AGBL1: variants seen among roughly 807,000 people sequenced by gnomAD.
AGBL1 encodes AGBL carboxypeptidase 1, also known as cytosolic carboxypeptidase 4.
A neutral mutation model predicts 118.9 loss-of-function variants in AGBL1; 130 were observed. The observed-to-expected ratio is 1.09, with a 90% CI of 0.95 to 1.26. AGBL1 has a LOEUF of 1.26. Among genes scored for constraint, AGBL1 ranks in the 50% most tolerant of loss-of-function variants. The pLI is 0.00. For missense variants in AGBL1, 1,584 were observed against 1,298.1 expected (o/e 1.22, Z -3.38); for synonymous variants, 555 against 478.9 (o/e 1.16, Z -2.08).
intron 5 of AGBL1, among the ~76,000 whole-genome samples, chr15:86,192,118 C>G (rs2077732538): frequency 6.6e-6 from 1 of 151,256 alleles, no homozygotes; most frequent in South Asian, 2.1e-4. Flanking sequence ...TGCACGCCCC[C>G]AATACACACA....
At chr15:87,019,153 C>A (rs2081637160) in intron 24 of AGBL1, among the ~76,000 whole-genome samples, 1 of 152,066 alleles carries the variant, frequency 6.6e-6, no homozygotes, top group African/African-American at 2.4e-5. Context: ...AAGACTTAGA[C>A]TAACACACAA....
intron 5 of AGBL1, among the ~76,000 whole-genome samples, chr15:86,182,924 G>A (rs1340800810): frequency 6.6e-6 from 1 of 152,198 alleles, no homozygotes; most frequent in Non-Finnish European, 1.5e-5. Flanking sequence ...CATAGCAAGA[G>A]ATGTTGTTAT....
rs1899858 is a variant in AGBL1, at chr15:86,098,329, A to G, written c.51+18306A>G. On this transcript the variant is annotated intron_variant, in intron 1 of 22. Transcript: ENST00000614907. The stretch of plus-strand genomic sequence containing the variant: ...TTTTTAGTTTACTATAGTCCCATTT[A>G]TCTATTTCTGGTTTTGTTGCCTGTG... Among the ~76,000 whole-genome samples the G allele has an allele frequency of 3.1e-3, 467 of 151,986 alleles. 16 individuals carry two copies. The South Asian group carries it at 0.067, about 22-fold the overall frequency.
intron 5 of AGBL1, among the ~76,000 whole-genome samples, chr15:86,166,385 G>A (rs1053593803): frequency 2.0e-5 from 3 of 152,146 alleles, no homozygotes; most frequent in Non-Finnish European, 1.5e-5. Flanking sequence ...CCTATCCTGT[G>A]GAAATGCCTT....
chr15:86,628,189 G>A (rs547628035), intron 21 of AGBL1, among the ~76,000 whole-genome samples: 5 of 152,262 alleles, frequency 3.3e-5, no homozygotes, highest in East Asian at 3.9e-4. Context: ...TAGAGTTTTC[G>A]ATTTGTAATA....
chr15:86,683,773 C>T (rs906883142), intron 22 of AGBL1, among the ~76,000 whole-genome samples: 1 of 152,174 alleles, frequency 6.6e-6, no homozygotes, highest in Non-Finnish European at 1.5e-5. Flanking sequence ...GTTGTCAATT[C>T]TAAAAATGGA....
At chr15:86,798,892 A>G (rs1010758368) in intron 22 of AGBL1, among the ~76,000 whole-genome samples, 11 of 151,890 alleles carry the variant, frequency 7.2e-5, no homozygotes, top group African/African-American at 2.7e-4. Context: ...GAACCTCCTG[A>G]ATGAGGAGAC....
chr15:86,759,754 C>G (rs1341236710), intron 22 of AGBL1, among the ~76,000 whole-genome samples: 1 of 152,062 alleles, frequency 6.6e-6, no homozygotes, highest in Non-Finnish European at 1.5e-5. Context: ...GGAAAGAAAA[C>G]AAGATGATGA....
At chr15:86,684,774 C>G (rs1035501386) in intron 22 of AGBL1, among the ~76,000 whole-genome samples, 2 of 152,118 alleles carry the variant, frequency 1.3e-5, no homozygotes, top group Non-Finnish European at 2.9e-5. Flanking sequence ...AGGGAATCTC[C>G]TTTCGGATCT....
intron 18 of AGBL1, among the ~76,000 whole-genome samples, chr15:86,444,585 A>G (rs1310389091): frequency 6.6e-6 from 1 of 152,206 alleles, no homozygotes; most frequent in Non-Finnish European, 1.5e-5. Flanking sequence ...GGTACTAAGA[A>G]CCAAGGTGGT....
intron 22 of AGBL1, among the ~76,000 whole-genome samples, chr15:86,747,535 T>G (rs1212850917): frequency 6.6e-6 from 1 of 152,212 alleles, no homozygotes; most frequent in African/African-American, 2.4e-5. Flanking sequence ...ACGTGCAGGT[T>G]TGTTACATAT....
At chr15:86,468,848 C>T (rs1300592588) in intron 18 of AGBL1, among the ~76,000 whole-genome samples, 1 of 152,046 alleles carries the variant, frequency 6.6e-6, no homozygotes, top group Non-Finnish European at 1.5e-5. Flanking sequence ...CATCTTGAAG[C>T]TGAAGGGGAA....
chr15:86,546,001 G>A lies in AGBL1; in HGVS notation c.2686-1G>A. 1 of 1,612,426 alleles carries A rather than the reference G, an allele frequency of 6.2e-7. No individual in the cohort carries two copies. Among genetic ancestry groups the A allele is most frequent in the Non-Finnish European group, 8.5e-7 (1 of 1,178,954 alleles). Reference sequence around the variant, plus strand: ...TTTTCTCCTTTGTTGGGCTATTGTAGGTTTTCTGTGACTTCCATGGCCACT... The same window carrying A: ...TTTTCTCCTTTGTTGGGCTATTGTAAGTTTTCTGTGACTTCCATGGCCACT... On this transcript the variant is annotated splice_acceptor_variant, in intron 19 of 22. Transcript: ENST00000614907. LOFTEE classifies it high-confidence loss of function.
intron 21 of AGBL1, among the ~76,000 whole-genome samples, chr15:86,592,898 T>C (rs1038198301): frequency 2.0e-5 from 3 of 152,184 alleles, no homozygotes; most frequent in Non-Finnish European, 2.9e-5. Flanking sequence ...TCTCCTGCCC[T>C]GCTTATATCT....
intron 22 of AGBL1, among the ~76,000 whole-genome samples, chr15:86,675,505 A>G (rs2085825412): frequency 3.3e-5 from 5 of 152,156 alleles, no homozygotes. Context: ...ATCATAGACT[A>G]TAGAAACTTA....
At chr15:86,598,311 A>T (rs970818311) in intron 21 of AGBL1, among the ~76,000 whole-genome samples, 1 of 152,168 alleles carries the variant, frequency 6.6e-6, no homozygotes, top group Non-Finnish European at 1.5e-5. Context: ...GACTAAAATG[A>T]CAATTAATAG....
At chr15:86,174,784 A>G (rs904418989) in intron 5 of AGBL1, among the ~76,000 whole-genome samples, 2 of 152,056 alleles carry the variant, frequency 1.3e-5, no homozygotes, top group Admixed American at 1.3e-4. Flanking sequence ...TTCTGTTTAT[A>G]TGATATGTCA....
At chr15:86,802,837 A>C (rs985428270) in intron 22 of AGBL1, among the ~76,000 whole-genome samples, 1 of 152,128 alleles carries the variant, frequency 6.6e-6, no homozygotes, top group Non-Finnish European at 1.5e-5. Context: ...TTACGTTGCA[A>C]TTGTCCCTTA....
intron 22 of AGBL1, among the ~76,000 whole-genome samples, chr15:86,734,437 T>G (rs1183894512): frequency 6.6e-6 from 1 of 152,082 alleles, no homozygotes; most frequent in East Asian, 1.9e-4. Flanking sequence ...ATGTAGAGAC[T>G]AAGAACTGTT....
Sources: gnomAD v4.1 joint callset for allele counts (sites outside exome capture counted in the v4.1 genomes callset) on GRCh38, gnomAD v4.1.1 for gene constraint, MANE v1.5 for transcripts, NCBI Gene and HGNC (gene_info 2026-07-23, HGNC 2026-07-21) for gene names.